Variants in CDH18 observed in about 807,000 individuals in gnomAD.
CDH18 encodes the protein cadherin 18, also known as cadherin-18.
In CDH18, 31 loss-of-function variants were observed where a neutral mutation model predicts 67.9. The ratio of observed to expected loss-of-function variants is 0.46; its 90% confidence interval spans 0.34 to 0.62. The LOEUF (loss-of-function observed/expected upper bound fraction) is 0.62. Among genes scored for constraint, CDH18 ranks in the 20% least tolerant of loss-of-function variants. The pLI is 0.01. For missense variants in CDH18, 890 were observed against 975.5 expected (o/e 0.91, Z 1.17); for synonymous variants, 362 against 347.2 (o/e 1.04, Z -0.48).
intron 11 of CDH18, among the ~76,000 whole-genome samples, chr5:19,494,410 C>G (rs772241329): frequency 2.0e-5 from 3 of 152,142 alleles, no homozygotes; most frequent in Admixed American, 2.0e-4. Flanking sequence ...GCCATAGTTT[C>G]ACCTATAATT....
chr5:19,569,468 G>A (rs62349537), intron 8 of CDH18, among the ~76,000 whole-genome samples: 11,253 of 152,170 alleles, frequency 0.074, 454 homozygotes, highest in African/African-American at 0.089. Context: ...CAGGGCCCAG[G>A]TATTTCATTC....
At chr5:20,094,189 T>C (rs903452315) in intron 2 of CDH18, among the ~76,000 whole-genome samples, 3 of 152,186 alleles carry the variant, frequency 2.0e-5, no homozygotes, top group Non-Finnish European at 4.4e-5. Flanking sequence ...CAGTTTCAGA[T>C]TGAATTAAAG....
chr5:19,616,288 CCA>C (rs924006493), intron 5 of CDH18, among the ~76,000 whole-genome samples: 1 of 151,928 alleles, frequency 6.6e-6, no homozygotes, highest in African/African-American at 2.4e-5. Context: ...TACATCCTCA[CCA>C]CACAGATACA....
intron 2 of CDH18, among the ~76,000 whole-genome samples, chr5:20,076,730 C>T (rs1478513103): frequency 2.0e-5 from 3 of 152,022 alleles, no homozygotes; most frequent in Non-Finnish European, 4.4e-5. Context: ...CTTTGTTCTA[C>T]CTTCTGAAAA....
chr5:20,198,897 C>A (rs573528258), intron 2 of CDH18, among the ~76,000 whole-genome samples: 42 of 152,212 alleles, frequency 2.8e-4, no homozygotes, highest in Admixed American at 1.4e-3. Context: ...GTACAAGCCT[C>A]AAGCTTTGAC....
intron 3 of CDH18, among the ~76,000 whole-genome samples, chr5:19,781,969 A>G (rs1353274715): frequency 6.6e-6 from 1 of 152,196 alleles, no homozygotes; most frequent in African/African-American, 2.4e-5. Flanking sequence ...ATTTTCTGGA[A>G]AGAAAAATAT....
intron 3 of CDH18, among the ~76,000 whole-genome samples, chr5:19,819,181 ATT>A (rs1779598513): frequency 6.6e-6 from 1 of 151,996 alleles, no homozygotes; most frequent in Admixed American, 6.6e-5. Context: ...AATAATATAT[ATT>A]GATTAATGTC....
chr5:20,405,720 A>G (rs527815427), intron 1 of CDH18, among the ~76,000 whole-genome samples: 3 of 152,168 alleles, frequency 2.0e-5, no homozygotes, highest in African/African-American at 7.2e-5. Context: ...GAATCTACAA[A>G]GAACTCAAAC....
chr5:19,719,184 T>C (rs1765701002), intron 5 of CDH18, among the ~76,000 whole-genome samples: 1 of 152,080 alleles, frequency 6.6e-6, no homozygotes, highest in Non-Finnish European at 1.5e-5. Flanking sequence ...TAAACAATTT[T>C]ATACAGGCTG....
rs555806500 is a variant in CDH18 at position 19,690,970 on chromosome 5, A to G, written c.643+30377T>C. ...ATCAAAACTAGAAAATGACACAATA[A>G]CAACAAAAGCTACAGGTTAATATCC... On this transcript the variant is annotated intron_variant, in intron 5 of 12. Coordinates refer to ENST00000382275, the MANE Select transcript of CDH18 (RefSeq NM_004934.5). Among the ~76,000 whole-genome samples the G allele has an allele frequency of 1.2e-4, 18 of 152,040 alleles. No homozygotes were observed. The East Asian group carries it at 2.1e-3, about 18-fold the overall frequency.
chr5:19,542,813 A>G (rs1005227719), intron 9 of CDH18, among the ~76,000 whole-genome samples: 2 of 152,052 alleles, frequency 1.3e-5, no homozygotes, highest in African/African-American at 4.8e-5. Flanking sequence ...TTGTAGTAAT[A>G]AAAATGTTTT....
intron 1 of CDH18, among the ~76,000 whole-genome samples, chr5:20,404,573 T>C (rs1339594221): frequency 6.6e-6 from 1 of 152,094 alleles, no homozygotes; most frequent in Non-Finnish European, 1.5e-5. Flanking sequence ...GGCTGGTTCT[T>C]AGAGCACCCA....
At chr5:20,253,467 G>C in intron 2 of CDH18, among the ~76,000 whole-genome samples, 1 of 152,202 alleles carries the variant, frequency 6.6e-6, no homozygotes, top group East Asian at 1.9e-4. Context: ...GAAACTCATC[G>C]AGATTCAGGA....
At position 20,538,896 on chromosome 5, in the gene CDH18, CTGTTTTTTTTT is replaced by C. The variant is rs1245856483; in HGVS notation, c.-580+36555_-580+36565del. 2.5e-3 allele frequency among the ~76,000 whole-genome samples: 171 copies of C among 69,124 alleles called. 5 individuals carry two copies. In the Middle Eastern group the frequency reaches 0.056, roughly 22 times the overall value. The allele number at this position is 69,124 out of a possible 152,430, so 45.3% of individuals were successfully genotyped here. On this transcript the variant is annotated intron_variant, in intron 1 of 14. Coordinates refer to the CDH18 transcript ENST00000507958. The stretch of plus-strand genomic sequence containing the variant: ...ACTGGATATACATCCACATAGCCAA[CTGTTTTTTTTT>C]TGTTTTTTTTTTTTTTTGTCGCCCA...
intron 2 of CDH18, among the ~76,000 whole-genome samples, chr5:20,037,133 A>G (rs546621107): frequency 3.9e-5 from 6 of 152,104 alleles, no homozygotes; most frequent in African/African-American, 1.4e-4. Flanking sequence ...TAATATTGTT[A>G]TGTGTGAATT....
At chr5:19,480,379 ATTTAT>A (rs1293034717) in intron 12 of CDH18, among the ~76,000 whole-genome samples, 4 of 148,594 alleles carry the variant, frequency 2.7e-5, no homozygotes, top group African/African-American at 7.7e-5. Context: ...TTATTTATTT[ATTTAT>A]TTATTTATTT....
At chr5:20,350,686 C>A (rs1234907254) in intron 1 of CDH18, among the ~76,000 whole-genome samples, 1 of 151,978 alleles carries the variant, frequency 6.6e-6, no homozygotes, top group Non-Finnish European at 1.5e-5. Context: ...GTTTAAGAAT[C>A]TATATGATTA....
intron 2 of CDH18, among the ~76,000 whole-genome samples, chr5:20,218,476 T>A (rs986804616): frequency 6.6e-5 from 10 of 151,920 alleles, no homozygotes; most frequent in Non-Finnish European, 1.5e-4. Context: ...CAAATGATAA[T>A]GAAAACACAA....
intron 5 of CDH18, among the ~76,000 whole-genome samples, chr5:19,662,854 G>A (rs971706143): frequency 2.6e-5 from 4 of 151,928 alleles, no homozygotes; most frequent in African/African-American, 4.8e-5. Context: ...ACGTACGTGC[G>A]AATAATAAGT....
Sources: allele counts gnomAD v4.1 joint callset (sites outside exome capture counted in the v4.1 genomes callset), GRCh38; gene constraint gnomAD v4.1.1; transcripts MANE v1.5; gene names NCBI Gene and HGNC (gene_info 2026-07-23, HGNC 2026-07-21).